Variants in NCKAP1L observed in about 807,000 individuals in gnomAD.
NCKAP1L encodes the protein NCK associated protein 1 like.
In NCKAP1L, 53 loss-of-function variants were observed where a neutral mutation model predicts 139.2. The observed-to-expected ratio is 0.38, with a 90% CI of 0.31 to 0.48. The LOEUF (loss-of-function observed/expected upper bound fraction) is 0.48, where lower values mean the gene tolerates loss of function less well. Among genes scored for constraint, NCKAP1L ranks in the 20% least tolerant of loss-of-function variants. The pLI is 0.98. For missense variants in NCKAP1L, 1,151 were observed against 1,381.9 expected, an observed-to-expected ratio of 0.83 and a Z score of 2.65; for synonymous variants, 468 against 499.7, an observed-to-expected ratio of 0.94 and a Z score of 0.85.
chr12:54,529,563 C>A (rs1189274111), intron 22 of NCKAP1L, among the ~76,000 whole-genome samples: 1 of 152,120 alleles, frequency 6.6e-6, no homozygotes, highest in Non-Finnish European at 1.5e-5. Flanking sequence ...TTCTGTTTTC[C>A]AGTTCTGCCT....
At position 54,508,449 on chromosome 12, in the gene NCKAP1L, A is replaced by G; in HGVS notation, c.424A>G (p.Ile142Val). Residue 142 changes from isoleucine to valine, a missense_variant, in exon 5 of 31, where the codon ATT becomes GTT. Coordinates refer to ENST00000293373, the MANE Select transcript of NCKAP1L (RefSeq NM_005337.5). ...CTTGATTGTAACTTACACCTCAGTC[A>G]TTTTACTTCTGTCACGGATTGAAGA... The part of the protein sequence containing the change: ...LDLIVTYTSV[I>V]LLLSRIEDRR... 1.2e-6 allele frequency: 2 copies of G among 1,614,106 alleles called. No homozygotes were observed. Among genetic ancestry groups the G allele is most frequent in the Non-Finnish European group, 8.5e-7 (1 of 1,179,988 alleles).
In NCKAP1L at chr12:54,498,834, A is replaced by C. The variant is rs1441090887; in HGVS notation, c.103-521A>C. ...CTCTACCCATCAAGACAAAATGCCTAGGTTGTTATTTCGCTCTTAGATACT... is the reference window on the plus strand; with the variant it reads ...CTCTACCCATCAAGACAAAATGCCTCGGTTGTTATTTCGCTCTTAGATACT... On this transcript the variant is annotated intron_variant, in intron 1 of 30. Transcript: ENST00000293373. 1.1e-5 allele frequency: 11 copies of C among 985,024 alleles called. No homozygotes were observed. The East Asian group carries it at 3.4e-4, about 30-fold the overall frequency. The allele number at this position is 985,024 out of a possible 1,614,324, so 61.0% of individuals were successfully genotyped here. A position where few individuals can be genotyped will look rare whatever the true frequency, so the allele number is the denominator to read the frequency against.
At chr12:54,507,434 TTAA>T (rs1421064397) in intron 3 of NCKAP1L, among the ~76,000 whole-genome samples, 5 of 152,232 alleles carry the variant, frequency 3.3e-5, no homozygotes, top group African/African-American at 7.2e-5. Context: ...TTCCCGTTTG[TTAA>T]TAATTAACTC....
At chr12:54,518,020 C>A in intron 13 of NCKAP1L, 82 bp downstream of exon 13, 1 of 1,534,154 alleles carries the variant, frequency 6.5e-7, no homozygotes, top group Non-Finnish European at 9.0e-7. Context: ...CTGGCTGAAT[C>A]TCATGCTCTG....
intron 26 of NCKAP1L, among the ~76,000 whole-genome samples, chr12:54,533,407 C>G (rs757083264): frequency 6.6e-6 from 1 of 152,182 alleles, no homozygotes; most frequent in African/African-American, 2.4e-5. Context: ...TCCCTTTCTT[C>G]CTCCAGAAAA....
chr12:54,511,750 T>G, intron 7 of NCKAP1L, 53 bp from the exon 8 acceptor site: 2 of 1,588,162 alleles, frequency 1.3e-6, no homozygotes, highest in Non-Finnish European at 1.7e-6. Flanking sequence ...TCCTTTCTCC[T>G]TTAGAGGAAG....
chr12:54,539,678 T>C (rs1002786695), intron 30 of NCKAP1L, among the ~76,000 whole-genome samples: 7 of 152,234 alleles, frequency 4.6e-5, no homozygotes, highest in Non-Finnish European at 1.0e-4. Context: ...GGAAGGGCTT[T>C]TGCCCTGGGC....
intron 3 of NCKAP1L, among the ~76,000 whole-genome samples, chr12:54,505,081 G>A (rs1956829385): frequency 6.6e-6 from 1 of 152,200 alleles, no homozygotes; most frequent in Non-Finnish European, 1.5e-5. Context: ...TCAAGTTCTA[G>A]TACCATTCCT....
chr12:54,509,647 C>T (rs1341011681), intron 5 of NCKAP1L, 22 bp from the exon 6 acceptor site: 1 of 1,561,702 alleles, frequency 6.4e-7, no homozygotes, highest in Admixed American at 1.7e-5. Context: ...GGCTGTAACC[C>T]CTCTCCTCTG....
rs1956979723 is a variant in NCKAP1L at position 54,521,137 on chromosome 12, C to G, written c.1777C>G (p.His593Asp). 6.2e-7 allele frequency: 1 copy of G among 1,614,062 alleles called. No individual in the cohort carries two copies. The highest frequency in any genetic ancestry group is 8.5e-7 in the Non-Finnish European group (1 of 1,180,014). ...CCCATAGTACCCCCACCTCAAGAAC[C>G]ATGGTCTTCACCACTGCAACTCCTT... Reference protein sequence around the residue: ...CPEEYPHLKNHGLHHCNSFLE... With the variant: ...CPEEYPHLKNDGLHHCNSFLE... Residue 593 changes from histidine to aspartate, a missense_variant, in exon 18 of 31, where the codon CAT (histidine) becomes GAT (aspartate). Physicochemically the swap from His to Asp is moderately conservative, Grantham distance 81. Coordinates refer to ENST00000293373, the MANE Select transcript of NCKAP1L (RefSeq NM_005337.5).
At position 54,497,850 on chromosome 12, in the gene NCKAP1L, C is replaced by A; in HGVS notation, c.61C>A (p.Arg21Ser). 1 of 1,613,242 alleles carries A rather than the reference C, an allele frequency of 6.2e-7. No individual in the cohort carries two copies. Among genetic ancestry groups the A allele is most frequent in the Non-Finnish European group, 8.5e-7 (1 of 1,179,186 alleles). The change falls in exon 1 of 31, where the codon CGC becomes AGC. Residue 21 changes from arginine (R) to serine (S), a missense_variant. Arg to Ser is a moderately radical substitution (Grantham distance 110). Coordinates refer to ENST00000293373, the MANE Select transcript of NCKAP1L (RefSeq NM_005337.5). ...AGAGAAGCTCACTATCCTGAATGATCGCGGTCAGGGGGTTCTCATCCGTAT... is the reference window on the plus strand; with the variant it reads ...AGAGAAGCTCACTATCCTGAATGATAGCGGTCAGGGGGTTCTCATCCGTAT... ...LAEKLTILND[R>S]GQGVLIRMYN...
At chr12:54,500,806 T>C (rs1956791973) in intron 3 of NCKAP1L, 181 bp downstream of exon 3, 1 of 538,062 alleles carries the variant, frequency 1.9e-6, no homozygotes, top group Admixed American at 3.4e-5. Context: ...ATATGATACA[T>C]CACATTTCTA....
At chr12:54,533,854 GC>G (rs1275700816) in intron 26 of NCKAP1L, among the ~76,000 whole-genome samples, 1 of 152,260 alleles carries the variant, frequency 6.6e-6, no homozygotes, top group Non-Finnish European at 1.5e-5. Flanking sequence ...ACAGGCATGA[GC>G]CATTGCTCTG....
intron 27 of NCKAP1L, 144 bp from the exon 28 acceptor site, chr12:54,535,985 G>A (rs549584875): frequency 3.3e-6 from 2 of 611,346 alleles, no homozygotes; most frequent in Non-Finnish European, 5.9e-6. Context: ...GTAATAACTT[G>A]CCCATAGGCT....
At chr12:54,508,973 C>A (rs191694542) in intron 5 of NCKAP1L, among the ~76,000 whole-genome samples, 8 of 152,300 alleles carry the variant, frequency 5.3e-5, no homozygotes, top group Admixed American at 3.3e-4. Flanking sequence ...CAATTTGCAT[C>A]ATCTCTGAAC....
At chr12:54,534,019 T>C (rs1008949521) in intron 26 of NCKAP1L, among the ~76,000 whole-genome samples, 5 of 152,246 alleles carry the variant, frequency 3.3e-5, no homozygotes, top group Admixed American at 2.6e-4. Context: ...GGGAACCTGA[T>C]TGTAAGTACA....
At chr12:54,534,513 G>A (rs1957098485) in intron 26 of NCKAP1L, among the ~76,000 whole-genome samples, 1 of 152,214 alleles carries the variant, frequency 6.6e-6, no homozygotes, top group Non-Finnish European at 1.5e-5. Flanking sequence ...CCAACGTAAG[G>A]AGGGAAGAGC....
At chr12:54,531,969 A>T in intron 25 of NCKAP1L, 144 bp downstream of exon 25, 1 of 783,858 alleles carries the variant, frequency 1.3e-6, no homozygotes, top group Non-Finnish European at 2.0e-6. Context: ...GAGGGAGAGT[A>T]ATTTGGCAGA....
At chr12:54,499,611 G>A in intron 2 of NCKAP1L, 146 bp downstream of exon 2, 1 of 591,052 alleles carries the variant, frequency 1.7e-6, no homozygotes. Flanking sequence ...CAACCACAGG[G>A]CTTCAGGTTG....
Sources: allele counts gnomAD v4.1 joint callset (sites outside exome capture counted in the v4.1 genomes callset), GRCh38; gene constraint gnomAD v4.1.1; transcripts MANE v1.5; gene names NCBI Gene and HGNC (gene_info 2026-07-23, HGNC 2026-07-21).